The following ZNF35 variants were observed in gnomAD, a reference collection of about 807,000 sequenced individuals.
ZNF35 encodes zinc finger protein 35.
A neutral mutation model predicts 45.9 loss-of-function variants in ZNF35; 31 were observed. The ratio of observed to expected loss-of-function variants is 0.68; its 90% CI spans 0.51 to 0.91. The LOEUF is 0.91. ZNF35 is among the 40% of genes least tolerant of loss of function. The pLI is 0.00. For missense variants in ZNF35, 515 were observed against 625.4 expected (o/e 0.82, Z 1.88); for synonymous variants, 205 against 220.2 (o/e 0.93, Z 0.61).
rs368905434 is a variant in ZNF35, at chr3:44,659,952, T to G, written c.*5T>G. Reference sequence around the variant, plus strand: ...AGAACCCATCTTGTTGAATAACAAGTAAGGAAGAGGAAGACCTCCAGCATT... The same window carrying G: ...AGAACCCATCTTGTTGAATAACAAGGAAGGAAGAGGAAGACCTCCAGCATT... On this transcript the variant is annotated 3_prime_UTR_variant, in exon 4 of 4. Coordinates refer to ENST00000396056, the MANE Select transcript of ZNF35 (RefSeq NM_003420.4). This position sits in a 1 kb window ranked among gnomAD's most constrained non-coding sequence, Gnocchi z 4.3. 3 of 1,532,148 alleles carry G rather than the reference T, an allele frequency of 2.0e-6. No homozygotes were observed. Among genetic ancestry groups the G allele is most frequent in the Non-Finnish European group, 1.8e-6 (2 of 1,140,254 alleles). 94.9% of individuals were successfully genotyped at this position (1,532,148 alleles called of 1,614,324 possible).
intron 3 of ZNF35, among the ~76,000 whole-genome samples, chr3:44,655,132 T>TA (rs900459919): frequency 6.6e-6 from 1 of 152,144 alleles, no homozygotes; most frequent in African/African-American, 2.4e-5. Flanking sequence ...AGACTCTGTC[T>TA]AAAAAAATAA....
In ZNF35 at chr3:44,652,697, T is replaced by C. The variant is rs1161316205; in HGVS notation, c.333T>C (p.Phe111=). 9 of 1,587,158 alleles carry C rather than the reference T, an allele frequency of 5.7e-6. No individual in the cohort carries two copies. The highest frequency in any genetic ancestry group is 4.7e-5 in the South Asian group (4 of 85,948). ...TGGAGACTCATGGGACCATGAACTT[T>C]CTAGGTATGGTTCAGTTCCCTGATT... ...EILETHGTMN[F]LGAETKNLQL... is the part of the protein sequence containing the mutation. Residue 111 remains phenylalanine (F), a synonymous_variant, in exon 3 of 4, where the codon TTT becomes TTC. Transcript: ENST00000396056.
Position 44,650,945 on chromosome 3 carries a change from C to T in ZNF35, c.-123C>T. On this transcript the variant is annotated 5_prime_UTR_variant, in exon 2 of 4. Transcript: ENST00000396056. ...CAGTGTTTTCTGATTTCTCAGTAGG[C>T]AGTACTCATCTTGGCCCTGGGAAGA... The T allele has an allele frequency of 3.3e-6, 3 of 901,942 alleles. No homozygotes were observed. The South Asian group carries it at 5.7e-5, about 17-fold the overall frequency. 55.9% of individuals were successfully genotyped at this position (901,942 alleles called of 1,614,324 possible).
chr3:44,652,513 C>A (rs77409670), intron 2 of ZNF35, 44 bp from the exon 3 acceptor site: 1 of 1,481,068 alleles, frequency 6.8e-7, no homozygotes, highest in South Asian at 1.4e-5. Context: ...CACACTACCC[C>A]CTACCACCAG....
upstream of ZNF35, chr3:44,646,685 TTGTG>T: frequency 1.7e-6 from 1 of 574,218 alleles, no homozygotes; most frequent in Non-Finnish European, 3.1e-6. Context: ...TTCTCTGCTT[TTGTG>T]TATGTATGAA....
Position 44,652,076 on chromosome 3 carries a change from C to G in ZNF35, c.193-481C>G, listed in dbSNP as rs573163297. Among the ~76,000 whole-genome samples the G allele has an allele frequency of 1.3e-3, 196 of 152,226 alleles. 1 individual carries two copies. The highest frequency in any genetic ancestry group is 4.2e-3 in the African/African-American group (173 of 41,514). ...TTGTTTTGCAAGCTTCCAGGTGATGCAGATACTGCTGCTGATCTTTGCACC... is the reference window on the plus strand; with the variant it reads ...TTGTTTTGCAAGCTTCCAGGTGATGGAGATACTGCTGCTGATCTTTGCACC... On this transcript the variant is annotated intron_variant, in intron 2 of 3. Transcript: ENST00000396056.
In ZNF35 at chr3:44,660,270, T is replaced by A. The variant is rs1274676856; in HGVS notation, c.*323T>A. On this transcript the variant is annotated 3_prime_UTR_variant, in exon 4 of 4. Transcript: ENST00000396056. ...TATTTGGGGAAAGGTCTTTTTTGCT[T>A]AATTTTGTTTTTTAAAACTCTGATG... 9 of 197,164 alleles carry A rather than the reference T, an allele frequency of 4.6e-5. No individual in the cohort carries two copies. Among genetic ancestry groups the A allele is most frequent in the Non-Finnish European group, 7.2e-5 (7 of 97,576 alleles). The allele number at this position is 197,164 out of a possible 1,614,324, so 12.2% of individuals were successfully genotyped here.
At position 44,660,191 on chromosome 3, in the gene ZNF35, G is replaced by A. The variant is rs983379703; in HGVS notation, c.*244G>A. ...ACCTTAAGCGGTCATGTTCTCTGAAGTGGAATGTGGCTTTCCTAGGAATGG... is the reference window on the plus strand; with the variant it reads ...ACCTTAAGCGGTCATGTTCTCTGAAATGGAATGTGGCTTTCCTAGGAATGG... On this transcript the variant is annotated 3_prime_UTR_variant, in exon 4 of 4. Transcript: ENST00000396056. The A allele has an allele frequency of 2.2e-5, 8 of 357,438 alleles. No homozygotes were observed. The highest frequency in any genetic ancestry group is 1.5e-4 in the African/African-American group (7 of 48,088). 22.1% of individuals were successfully genotyped at this position (357,438 alleles called of 1,614,324 possible).
chr3:44,650,010 A>AT (rs1703158395), intron 1 of ZNF35, among the ~76,000 whole-genome samples: 1 of 152,192 alleles, frequency 6.6e-6, no homozygotes, highest in Non-Finnish European at 1.5e-5. Flanking sequence ...AGGTGAACAT[A>AT]TAAGTATGTA....
chr3:44,648,597 A>G (rs545677183), upstream of ZNF35: 8 of 151,904 alleles, frequency 5.3e-5, 1 homozygote, highest in South Asian at 6.3e-4. Context: ...CAACAGCACA[A>G]TCCTCCTAAG....
At chr3:44,655,853 G>A (rs1375804806) in intron 3 of ZNF35, among the ~76,000 whole-genome samples, 3 of 152,338 alleles carry the variant, frequency 2.0e-5, no homozygotes, top group East Asian at 3.9e-4. Flanking sequence ...AATCAGTTTA[G>A]TAGTTCCCAT....
At chr3:44,654,194 C>T (rs1703254303) in intron 3 of ZNF35, among the ~76,000 whole-genome samples, 1 of 152,190 alleles carries the variant, frequency 6.6e-6, no homozygotes, top group East Asian at 1.9e-4. Context: ...TGCCTCTTAC[C>T]TCAAGACCAT....
At chr3:44,653,269 C>A (rs1703238522) in intron 3 of ZNF35, among the ~76,000 whole-genome samples, 1 of 152,176 alleles carries the variant, frequency 6.6e-6, no homozygotes, top group Non-Finnish European at 1.5e-5. Flanking sequence ...AGGAATGGAT[C>A]TCCAGGTTGG....
chr3:44,655,665 A>C (rs555992183), intron 3 of ZNF35, among the ~76,000 whole-genome samples: 1 of 152,360 alleles, frequency 6.6e-6, no homozygotes, highest in South Asian at 2.1e-4. Flanking sequence ...GAACTTGACT[A>C]TACCAGATGG....
intron 3 of ZNF35, among the ~76,000 whole-genome samples, chr3:44,654,815 G>A (rs893067692): frequency 6.6e-6 from 1 of 152,092 alleles, no homozygotes; most frequent in Non-Finnish European, 1.5e-5. Context: ...GTTCAGTTAA[G>A]CTTCAAATTT....
chr3:44,653,829 A>C (rs1375636645), intron 3 of ZNF35, among the ~76,000 whole-genome samples: 1 of 152,196 alleles, frequency 6.6e-6, no homozygotes, highest in Non-Finnish European at 1.5e-5. Context: ...CCTGTGTTTC[A>C]AAGCACTTAC....
chr3:44,646,538 G>GA (rs1702966650), upstream of ZNF35: 1 of 1,313,334 alleles, frequency 7.6e-7, no homozygotes, highest in Non-Finnish European at 1.1e-6. Context: ...GACACCACGA[G>GA]AAACAGACAC....
rs745958143 is a variant in ZNF35, at chr3:44,659,330, C to T, written c.967C>T (p.Arg323Trp). The change falls in exon 4 of 4, where the codon CGG becomes TGG. Residue 323 changes from arginine (R) to tryptophan (W), a missense_variant. Physicochemically the swap from Arg to Trp is moderately radical, Grantham distance 101 (BLOSUM62 -3). Around this residue, in one of 3 missense-constraint regions of ZNF35, gnomAD observed 232 missense variants for 304.6 expected, o/e 0.76. Coordinates refer to ENST00000396056, the MANE Select transcript of ZNF35 (RefSeq NM_003420.4). This position sits in a 1 kb window ranked among gnomAD's most constrained non-coding sequence, Gnocchi z 4.3. Reference protein sequence around the residue: ...KAFSYSSQLARHQKVHITEKC... With the variant: ...KAFSYSSQLAWHQKVHITEKC... ...CTTTAGTTACAGCTCACAACTTGCT[C>T]GGCACCAGAAAGTCCACATTACGGA... 1.1e-5 allele frequency: 17 copies of T among 1,613,988 alleles called. No individual in the cohort carries two copies. Among genetic ancestry groups the T allele is most frequent in the Non-Finnish European group, 1.2e-5 (14 of 1,180,002 alleles).
chr3:44,655,924 A>G (rs1279356136), intron 3 of ZNF35, among the ~76,000 whole-genome samples: 2 of 152,194 alleles, frequency 1.3e-5, no homozygotes, highest in African/African-American at 2.4e-5. Context: ...AAAGTCAGGG[A>G]GACAGTGCAG....
Sources: gnomAD v4.1 joint callset for allele counts (sites outside exome capture counted in the v4.1 genomes callset) on GRCh38, gnomAD v4.1.1 for gene constraint, gnomAD v4.1.1 regional missense constraint, Gnocchi (gnomAD v3.1) non-coding constraint, MANE v1.5 for transcripts, NCBI Gene and HGNC (gene_info 2026-07-23, HGNC 2026-07-21) for gene names.